Variants in POLB observed in about 807,000 individuals in gnomAD.
POLB encodes 5'-dRP lyase.
Under a neutral mutation model 52.7 loss-of-function variants are expected in POLB, and 37 were observed. That is an observed-to-expected ratio of 0.70 (90% CI 0.54 to 0.92). The LOEUF (loss-of-function observed/expected upper bound fraction) is 0.92, where lower values mean the gene tolerates loss of function less well. Among genes scored for constraint, POLB ranks in the 40% least tolerant of loss-of-function variants. POLB has a pLI of 0.00. For missense variants in POLB, 313 were observed against 400.8 expected, an observed-to-expected ratio of 0.78 and a Z score of 1.87; for synonymous variants, 138 against 131.3, an observed-to-expected ratio of 1.05 and a Z score of -0.35.
At chr8:42,341,804 CT>C in intron 2 of POLB, 1 of 510,594 alleles carries the variant, frequency 2.0e-6, no homozygotes, top group South Asian at 1.8e-5. Flanking sequence ...CGTGGGGAAG[CT>C]TGCCTTCTTT....
intron 3 of POLB, among the ~76,000 whole-genome samples, 164 bp from the exon 4 acceptor site, chr8:42,348,852 C>A (rs1344406106): frequency 6.6e-6 from 1 of 152,110 alleles, no homozygotes; most frequent in African/African-American, 2.4e-5. Context: ...ATTCTGTCTT[C>A]GGGAGAATTT....
intron 3 of POLB, among the ~76,000 whole-genome samples, chr8:42,348,593 T>G (rs1417287684): frequency 6.6e-6 from 1 of 152,144 alleles, no homozygotes; most frequent in African/African-American, 2.4e-5. Flanking sequence ...CATTCTGTGT[T>G]TTAAGAAGTG....
At chr8:42,371,527 G>T in intron 13 of POLB, 36 bp from the exon 14 acceptor site, 2 of 1,240,110 alleles carry the variant, frequency 1.6e-6, no homozygotes, top group Non-Finnish European at 1.2e-6. Flanking sequence ...CTATAAAACT[G>T]GTTCTTACAA....
intron 2 of POLB, among the ~76,000 whole-genome samples, chr8:42,341,566 T>C (rs1279158803): frequency 6.6e-6 from 1 of 152,208 alleles, no homozygotes; most frequent in Non-Finnish European, 1.5e-5. Flanking sequence ...ACATTTTGCA[T>C]TGAAATTATA....
intron 13 of POLB, among the ~76,000 whole-genome samples, chr8:42,371,335 C>T (rs1267200275): frequency 6.6e-6 from 1 of 152,048 alleles, no homozygotes; most frequent in African/African-American, 2.4e-5. Context: ...GTTGGTCAGG[C>T]TGGTCTCAAA....
At chr8:42,345,164 G>A (rs1822531971) in intron 3 of POLB, 145 bp downstream of exon 3, 1 of 627,390 alleles carries the variant, frequency 1.6e-6, no homozygotes, top group Non-Finnish European at 2.9e-6. Context: ...TAACATTCAT[G>A]CTGTTTCATA....
chr8:42,350,743 A>G (rs1444851028), intron 5 of POLB, among the ~76,000 whole-genome samples: 2 of 152,236 alleles, frequency 1.3e-5, no homozygotes, highest in Non-Finnish European at 2.9e-5. Context: ...TTTGTTCTTT[A>G]AATGGCAGCA....
At chr8:42,341,563 G>C (rs940345168) in intron 2 of POLB, among the ~76,000 whole-genome samples, 1 of 152,216 alleles carries the variant, frequency 6.6e-6, no homozygotes, top group African/African-American at 2.4e-5. Context: ...ATTACATTTT[G>C]CATTGAAATT....
intron 7 of POLB, 144 bp from the exon 8 acceptor site, chr8:42,357,025 G>T: frequency 3.5e-6 from 2 of 578,846 alleles, no homozygotes; most frequent in Non-Finnish European, 6.2e-6. Flanking sequence ...TTTTGCTGTT[G>T]TCATCTCAGT....
intron 7 of POLB, among the ~76,000 whole-genome samples, chr8:42,355,890 C>T (rs1270805085): frequency 6.6e-6 from 1 of 152,186 alleles, no homozygotes; most frequent in Non-Finnish European, 1.5e-5. Context: ...CAAAGCACTA[C>T]ACTAGGTCTA....
chr8:42,357,317 T>C lies in POLB; in HGVS notation c.478-3T>C. The C allele has an allele frequency of 6.6e-7, 1 of 1,519,044 alleles. No homozygotes were observed. Among genetic ancestry groups the C allele is most frequent in the South Asian group, 1.1e-5 (1 of 88,644 alleles). The allele number at this position is 1,519,044 out of a possible 1,614,324, so 94.1% of individuals were successfully genotyped here. On this transcript the variant is annotated splice_region_variant and splice_polypyrimidine_tract_variant and intron_variant, in intron 8 of 13. Coordinates refer to ENST00000265421, the MANE Select transcript of POLB (RefSeq NM_002690.3). ...AATACTGACTTAATTTTTCTTCTATTAGGATATTGTACTAAATGAAGTTAA... is the reference window on the plus strand; with the variant it reads ...AATACTGACTTAATTTTTCTTCTATCAGGATATTGTACTAAATGAAGTTAA...
chr8:42,343,469 G>A (rs1447009288), intron 2 of POLB, among the ~76,000 whole-genome samples: 1 of 148,812 alleles, frequency 6.7e-6, no homozygotes, highest in African/African-American at 2.5e-5. Flanking sequence ...AGAGGCTACA[G>A]TGAGTCAAGA....
At chr8:42,351,718 G>C (rs1043445082) in intron 5 of POLB, among the ~76,000 whole-genome samples, 1 of 152,206 alleles carries the variant, frequency 6.6e-6, no homozygotes, top group Non-Finnish European at 1.5e-5. Flanking sequence ...TGAATAAAGT[G>C]ATATTTTAGA....
intron 11 of POLB, among the ~76,000 whole-genome samples, chr8:42,368,519 G>T (rs1002628703): frequency 6.6e-6 from 1 of 152,184 alleles, no homozygotes; most frequent in Non-Finnish European, 1.5e-5. Context: ...TGGAAATTTG[G>T]TGGTGCTTAT....
chr8:42,368,716 G>T (rs768168626), intron 11 of POLB, among the ~76,000 whole-genome samples: 4 of 152,054 alleles, frequency 2.6e-5, no homozygotes, highest in East Asian at 1.9e-4. Flanking sequence ...CTTATTTTCC[G>T]TGTCTTTCTC....
intron 2 of POLB, among the ~76,000 whole-genome samples, chr8:42,343,728 C>G (rs1350831616): frequency 6.6e-6 from 1 of 152,188 alleles, no homozygotes; most frequent in Non-Finnish European, 1.5e-5. Flanking sequence ...CTTTGTTACT[C>G]AGCACAAATC....
At chr8:42,354,033 G>A (rs1823146901) in intron 6 of POLB, among the ~76,000 whole-genome samples, 1 of 152,264 alleles carries the variant, frequency 6.6e-6, no homozygotes, top group South Asian at 2.1e-4. Flanking sequence ...GGTATAGACA[G>A]CTTATATGAG....
intron 2 of POLB, chr8:42,342,254 C>T (rs1439862125): frequency 7.8e-6 from 12 of 1,546,088 alleles, no homozygotes; most frequent in Admixed American, 5.0e-5. Flanking sequence ...ATTGTATTAT[C>T]GCCAGTCACC....
intron 6 of POLB, 61 bp downstream of exon 6, chr8:42,352,629 C>T: frequency 1.0e-6 from 1 of 956,948 alleles, no homozygotes; most frequent in South Asian, 1.3e-5. Context: ...ACCATTAGTG[C>T]TCTAACAAAC....
Sources: allele counts gnomAD v4.1 joint callset (sites outside exome capture counted in the v4.1 genomes callset), GRCh38; gene constraint gnomAD v4.1.1; transcripts MANE v1.5; gene names NCBI Gene and HGNC (gene_info 2026-07-23, HGNC 2026-07-21).